Variants in PCDH15 observed in about 807,000 individuals in gnomAD.
PCDH15 encodes the protein protocadherin-15.
Under a neutral mutation model 178.5 loss-of-function variants are expected in PCDH15, and 129 were observed. The observed-to-expected ratio is 0.72, with a 90% CI of 0.63 to 0.84. The LOEUF is 0.84. Ranked by LOEUF, PCDH15 falls within the 40% of genes least tolerant of loss-of-function variation. The probability of loss-of-function intolerance (pLI) is 0.00; values close to 1 mark genes in which losing one functional copy is unlikely to be tolerated. For synonymous variants in PCDH15, 800 were observed against 732.0 expected, an observed-to-expected ratio of 1.09 and a Z score of -1.50; for missense variants, 2,230 against 2,099.9, an observed-to-expected ratio of 1.06 and a Z score of -1.21.
At chr10:55,541,747 A>C (rs1841764110) in intron 2 of PCDH15, among the ~76,000 whole-genome samples, 1 of 151,906 alleles carries the variant, frequency 6.6e-6, no homozygotes. Context: ...TTTTATTTGT[A>C]CATTCATTTA....
chr10:54,104,559 C>T (rs560601242), intron 15 of PCDH15, among the ~76,000 whole-genome samples: 221 of 152,184 alleles, frequency 1.5e-3, no homozygotes, highest in African/African-American at 5.2e-3. Context: ...TGAGTTCAGC[C>T]GGGCGCGGTA....
At chr10:55,296,702 C>T (rs750113350) in intron 1 of PCDH15, among the ~76,000 whole-genome samples, 2 of 152,070 alleles carry the variant, frequency 1.3e-5, no homozygotes, top group Admixed American at 6.6e-5. Flanking sequence ...TCATTGAAAA[C>T]GGACCTGCTT....
intron 1 of PCDH15, among the ~76,000 whole-genome samples, chr10:54,672,242 A>G (rs2094688613): frequency 6.6e-6 from 1 of 151,602 alleles, no homozygotes; most frequent in East Asian, 1.9e-4. Context: ...TAATAGAAAT[A>G]GAGTGTATAA....
chr10:55,393,623 C>T (rs1477940577), intron 2 of PCDH15, among the ~76,000 whole-genome samples: 1 of 152,068 alleles, frequency 6.6e-6, no homozygotes, highest in Non-Finnish European at 1.5e-5. Flanking sequence ...TTTCTGAATT[C>T]CTTAAACTAC....
At chr10:54,221,238 T>A (rs2052772691) in intron 9 of PCDH15, among the ~76,000 whole-genome samples, 1 of 152,176 alleles carries the variant, frequency 6.6e-6, no homozygotes, top group Non-Finnish European at 1.5e-5. Context: ...TTTATTTTAA[T>A]TTTTATATAT....
intron 32 of PCDH15, 105 bp from the exon 33 acceptor site, chr10:53,820,335 A>C (rs2076213242): frequency 2.5e-6 from 1 of 393,476 alleles, no homozygotes; most frequent in Non-Finnish European, 4.5e-6. Flanking sequence ...TGGGCTAATA[A>C]AAATAATCAG....
At chr10:55,233,219 A>G (rs1423042945) in intron 1 of PCDH15, among the ~76,000 whole-genome samples, 1 of 152,096 alleles carries the variant, frequency 6.6e-6, no homozygotes. Flanking sequence ...TAAAATAAAC[A>G]TGCTTTTTCA....
In PCDH15 at chr10:55,121,059, A is replaced by T. The variant is rs556783444; in HGVS notation, c.-80+45517T>A. Reference sequence around the variant, plus strand: ...CAAGACTGCAACAGCAGCCTGGGAGAGCTGCAGGCACTCAACTCCAACCCA... The same window carrying T: ...CAAGACTGCAACAGCAGCCTGGGAGTGCTGCAGGCACTCAACTCCAACCCA... On this transcript the variant is annotated intron_variant, in intron 2 of 5. Transcript: ENST00000458638. Among the ~76,000 whole-genome samples, 28 of 152,196 alleles carry T rather than the reference A, an allele frequency of 1.8e-4. 1 individual carries two copies. The South Asian group carries it at 4.4e-3, about 24-fold the overall frequency.
At chr10:54,451,468 A>G (rs779287728) in intron 3 of PCDH15, among the ~76,000 whole-genome samples, 10 of 151,962 alleles carry the variant, frequency 6.6e-5, no homozygotes, top group Non-Finnish European at 1.0e-4. Context: ...TTTTGTTTAT[A>G]CAATAAGCAT....
intron 2 of PCDH15, among the ~76,000 whole-genome samples, chr10:54,997,001 C>T (rs1418619732): frequency 1.3e-5 from 2 of 151,444 alleles, no homozygotes; most frequent in African/African-American, 4.9e-5. Context: ...CCTAGCTACT[C>T]AGGAGGCCGA....
chr10:55,458,682 G>T (rs1017475589), intron 2 of PCDH15, among the ~76,000 whole-genome samples: 1 of 151,848 alleles, frequency 6.6e-6, no homozygotes, highest in East Asian at 1.9e-4. Context: ...TATCTAAAGG[G>T]GTGAAACCAG....
At position 54,749,285 on chromosome 10, in the gene PCDH15, A is replaced by C. The variant is rs149910351; in HGVS notation, c.-29+51640T>G. 2.6e-5 allele frequency among the ~76,000 whole-genome samples: 4 copies of C among 152,304 alleles called. No individual in the cohort carries two copies. The East Asian group carries it at 5.8e-4, about 22-fold the overall frequency. ...TTTAAACATGATGACGATTTGTAAAAACAAAGATTTTTAGAACTAAGAAGA... is the reference window on the plus strand; with the variant it reads ...TTTAAACATGATGACGATTTGTAAACACAAAGATTTTTAGAACTAAGAAGA... On this transcript the variant is annotated intron_variant, in intron 1 of 37. Coordinates refer to ENST00000644397, the MANE Select transcript of PCDH15 (RefSeq NM_001384140.1).
At position 55,088,295 on chromosome 10, in the gene PCDH15, G is replaced by A. The variant is rs143779112; in HGVS notation, c.-80+78281C>T. ...GCATGTTTTTTTTTTTTGAGACAGA[G>A]TCTTACTCTGTTGCCCAGGCTGGAG... On this transcript the variant is annotated intron_variant, in intron 2 of 5. Transcript: ENST00000458638. Among the ~76,000 whole-genome samples, 16 of 151,330 alleles carry A rather than the reference G, an allele frequency of 1.1e-4. No homozygotes were observed. In the East Asian group the frequency reaches 2.9e-3, roughly 28 times the overall value.
chr10:54,863,574 C>T (rs1465490246), intron 3 of PCDH15, among the ~76,000 whole-genome samples: 3 of 152,080 alleles, frequency 2.0e-5, no homozygotes, highest in African/African-American at 7.2e-5. Flanking sequence ...GAATGTTGTT[C>T]TACAAAACTT....
chr10:55,360,553 G>T, intron 2 of PCDH15, among the ~76,000 whole-genome samples: 1 of 151,920 alleles, frequency 6.6e-6, no homozygotes, highest in East Asian at 1.9e-4. Flanking sequence ...TGGGGAATTT[G>T]AGCCTGCAAT....
At chr10:54,425,009 A>T (rs796440529) in intron 3 of PCDH15, among the ~76,000 whole-genome samples, 210 of 114,754 alleles carry the variant, frequency 1.8e-3, no homozygotes, top group African/African-American at 0.011. Context: ...AAAGTATAAT[A>T]AAAAAAAAAA....
intron 18 of PCDH15, among the ~76,000 whole-genome samples, chr10:54,032,726 T>G (rs2093327292): frequency 6.6e-6 from 1 of 152,016 alleles, no homozygotes; most frequent in Non-Finnish European, 1.5e-5. Context: ...TGTTTTCAAT[T>G]TTGTCACTAT....
At chr10:53,822,899 A>C (rs750801092) in intron 32 of PCDH15, 5 of 1,613,696 alleles carry the variant, frequency 3.1e-6, no homozygotes, top group Non-Finnish European at 4.2e-6. Flanking sequence ...CAGTGTTTTC[A>C]TTTTCAGCTT....
chr10:53,840,561 TTAAC>T, intron 28 of PCDH15, 65 bp from the exon 29 acceptor site: 1 of 1,435,198 alleles, frequency 7.0e-7, no homozygotes, highest in Non-Finnish European at 9.8e-7. Context: ...AAAATTACTC[TTAAC>T]TTGAAAAGAC....
Sources: gnomAD v4.1 joint callset for allele counts (sites outside exome capture counted in the v4.1 genomes callset) on GRCh38, gnomAD v4.1.1 for gene constraint, MANE v1.5 for transcripts, NCBI Gene and HGNC (gene_info 2026-07-23, HGNC 2026-07-21) for gene names.